The following ZNF804B variants were observed in gnomAD, a reference collection of about 807,000 sequenced individuals.
ZNF804B encodes zinc finger protein 804B, also known as zinc finger 804B.
ZNF804B carries 80 observed loss-of-function variants against 101.4 expected under a neutral mutation model. The observed-to-expected ratio is 0.79, with a 90% CI of 0.66 to 0.95. The LOEUF (loss-of-function observed/expected upper bound fraction) is 0.95. Ranked by LOEUF, ZNF804B falls within the 40% of genes least tolerant of loss-of-function variation. The pLI, the probability that ZNF804B is intolerant of heterozygous loss-of-function variation, is 0.00. For synonymous variants in ZNF804B, 622 were observed against 558.8 expected, an observed-to-expected ratio of 1.11 and a Z score of -1.59; for missense variants, 1,673 against 1,561.9, an observed-to-expected ratio of 1.07 and a Z score of -1.20.
chr7:88,762,450 T>G (rs1789913134), intron 1 of ZNF804B, among the ~76,000 whole-genome samples: 1 of 152,176 alleles, frequency 6.6e-6, no homozygotes, highest in African/African-American at 2.4e-5. Context: ...CTTCTGGACC[T>G]TAGACCCTTA....
intron 1 of ZNF804B, among the ~76,000 whole-genome samples, chr7:88,766,331 AT>A (rs1562787919): frequency 6.6e-6 from 1 of 152,178 alleles, no homozygotes; most frequent in Admixed American, 6.5e-5. Flanking sequence ...TAAATAAAAC[AT>A]AAAAGGGGGT....
At chr7:88,926,373 G>A (rs1049269519) in intron 1 of ZNF804B, among the ~76,000 whole-genome samples, 2 of 151,164 alleles carry the variant, frequency 1.3e-5, no homozygotes, top group Non-Finnish European at 2.9e-5. Context: ...GATCACTTGA[G>A]GTCAGGAGTT....
intron 1 of ZNF804B, among the ~76,000 whole-genome samples, chr7:89,052,771 T>C (rs932585380): frequency 3.3e-5 from 5 of 152,158 alleles, no homozygotes; most frequent in Admixed American, 6.6e-5. Context: ...TCATTCTTTT[T>C]CAGGCATGTG....
rs185511554 is a variant in ZNF804B at position 88,925,459 on chromosome 7, A to T, written c.108+165375A>T. On this transcript the variant is annotated intron_variant, in intron 1 of 3. Transcript: ENST00000333190. Reference sequence around the variant, plus strand: ...CTAATTTAACCTGATTAGTGTACTTATAAAAATAGAAAATTTGGGTTTACA... The same window carrying T: ...CTAATTTAACCTGATTAGTGTACTTTTAAAAATAGAAAATTTGGGTTTACA... 1.2e-4 allele frequency among the ~76,000 whole-genome samples: 19 copies of T among 152,280 alleles called. 1 individual carries two copies. Among genetic ancestry groups the T allele is most frequent in the African/African-American group, 4.6e-4 (19 of 41,572 alleles).
intron 2 of ZNF804B, among the ~76,000 whole-genome samples, chr7:89,288,019 T>C (rs73401112): frequency 0.037 from 5,565 of 151,324 alleles, 308 homozygotes; most frequent in African/African-American, 0.13. Flanking sequence ...CAGCATACCA[T>C]CAAAATTACT....
At chr7:88,766,922 G>A (rs1173298942) in intron 1 of ZNF804B, among the ~76,000 whole-genome samples, 3 of 152,080 alleles carry the variant, frequency 2.0e-5, no homozygotes, top group African/African-American at 7.2e-5. Flanking sequence ...TTGACAATTG[G>A]CAATTTCCTT....
At chr7:89,122,441 T>C (rs1790421248) in intron 1 of ZNF804B, among the ~76,000 whole-genome samples, 1 of 152,214 alleles carries the variant, frequency 6.6e-6, no homozygotes, top group South Asian at 2.1e-4. Flanking sequence ...TAACGTTGTT[T>C]AGAATTACCA....
intron 1 of ZNF804B, among the ~76,000 whole-genome samples, chr7:89,215,408 A>C (rs1460100692): frequency 1.3e-5 from 2 of 152,164 alleles, no homozygotes; most frequent in Non-Finnish European, 2.9e-5. Context: ...CTGTCATAAA[A>C]TCACCTACAT....
At chr7:89,234,583 T>C (rs1209116548) in intron 2 of ZNF804B, among the ~76,000 whole-genome samples, 2 of 152,114 alleles carry the variant, frequency 1.3e-5, no homozygotes, top group Non-Finnish European at 2.9e-5. Context: ...CAGAGGAAAT[T>C]GGTGTGTCAT....
intron 1 of ZNF804B, among the ~76,000 whole-genome samples, chr7:88,974,530 T>A (rs968463296): frequency 6.6e-5 from 10 of 151,334 alleles, no homozygotes; most frequent in African/African-American, 2.4e-4. Context: ...TTTTAAAAAA[T>A]CAATATTGAT....
In ZNF804B at chr7:89,335,774, G is replaced by A; in HGVS notation, c.2792G>A (p.Arg931Lys). The A allele has an allele frequency of 1.2e-6, 2 of 1,614,044 alleles. No individual in the cohort carries two copies. The highest frequency in any genetic ancestry group is 1.7e-6 in the Non-Finnish European group (2 of 1,179,970). The change falls in exon 4 of 4, where the codon AGA (arginine) becomes AAA (lysine). Residue 931 changes from arginine (R) to lysine (K), a missense_variant. Physicochemically the swap from Arg to Lys is conservative, Grantham distance 26. Coordinates refer to ENST00000333190, the MANE Select transcript of ZNF804B (RefSeq NM_181646.5). The stretch of plus-strand genomic sequence containing the variant: ...CTAACAGCAAAAATCCTTTTAGAAA[G>A]AGTACAAGCCAAGAAATGTCAAGAA... ...TPLTAKILLE[R>K]VQAKKCQEQS... is the part of the protein sequence containing the mutation.
At chr7:88,856,604 C>T (rs1268356062) in intron 1 of ZNF804B, among the ~76,000 whole-genome samples, 2 of 152,212 alleles carry the variant, frequency 1.3e-5, no homozygotes, top group East Asian at 1.9e-4. Flanking sequence ...TTGTTTTCTT[C>T]TCCTGCCTAA....
At chr7:89,226,051 A>G (rs938805225) in intron 2 of ZNF804B, among the ~76,000 whole-genome samples, 1 of 152,146 alleles carries the variant, frequency 6.6e-6, no homozygotes, top group African/African-American at 2.4e-5. Context: ...CATGTTTTGC[A>G]TAACTAGTAA....
intron 1 of ZNF804B, among the ~76,000 whole-genome samples, chr7:88,788,727 CAT>C (rs1430441556): frequency 6.6e-6 from 1 of 152,030 alleles, no homozygotes; most frequent in Non-Finnish European, 1.5e-5. Context: ...AAGATACAAA[CAT>C]GTATTTGAAG....
chr7:88,883,500 T>A (rs1251698648), intron 1 of ZNF804B, among the ~76,000 whole-genome samples: 1 of 152,058 alleles, frequency 6.6e-6, no homozygotes, highest in Non-Finnish European at 1.5e-5. Context: ...CTCAACACAC[T>A]TGTCCAAGCT....
At position 88,879,215 on chromosome 7, in the gene ZNF804B, T is replaced by G. The variant is rs1177464358; in HGVS notation, c.108+119131T>G. 1.3e-5 allele frequency among the ~76,000 whole-genome samples: 2 copies of G among 152,174 alleles called. 1 individual carries two copies. The highest frequency in any genetic ancestry group is 4.1e-4 in the South Asian group (2 of 4,830). ...ACCTCGTTTGAGCAAAGTTAATGAC[T>G]TCTGTTCTGGATGTGTACAATTTAA... On this transcript the variant is annotated intron_variant, in intron 1 of 3. Transcript: ENST00000333190.
intron 1 of ZNF804B, among the ~76,000 whole-genome samples, chr7:89,165,869 G>A (rs1260910105): frequency 6.6e-6 from 1 of 152,132 alleles, no homozygotes; most frequent in Non-Finnish European, 1.5e-5. Context: ...TTTCTAAACA[G>A]AATCACTGCA....
chr7:89,186,732 CCTT>C (rs1050478623), intron 1 of ZNF804B, among the ~76,000 whole-genome samples: 3 of 152,028 alleles, frequency 2.0e-5, no homozygotes, highest in African/African-American at 4.8e-5. Context: ...GACTTTCACT[CCTT>C]CTGCAATAGT....
At chr7:89,220,015 G>GTGCATACA (rs1788967819) in intron 2 of ZNF804B, among the ~76,000 whole-genome samples, 3 of 140,960 alleles carry the variant, frequency 2.1e-5, no homozygotes, top group Non-Finnish European at 4.6e-5. Flanking sequence ...ACATATATGT[G>GTGCATACA]TGTATACATA....
Sources: allele counts gnomAD v4.1 joint callset (sites outside exome capture counted in the v4.1 genomes callset), GRCh38; gene constraint gnomAD v4.1.1; transcripts MANE v1.5; gene names NCBI Gene and HGNC (gene_info 2026-07-23, HGNC 2026-07-21).